PRSS23: variants seen among roughly 807,000 people sequenced by gnomAD.
The protein encoded by PRSS23 is protease, serine 23.
In PRSS23, 25 loss-of-function variants were observed where a neutral mutation model predicts 34.7. The ratio of observed to expected loss-of-function variants is 0.72; its 90% confidence interval spans 0.53 to 1.01. The LOEUF (loss-of-function observed/expected upper bound fraction) is 1.01. Among genes scored for constraint, PRSS23 ranks in the 50% least tolerant of loss-of-function variants. PRSS23 has a pLI of 0.00. For synonymous variants in PRSS23, 176 were observed against 186.6 expected (o/e 0.94, Z 0.46); for missense variants, 445 against 475.6 (o/e 0.94, Z 0.60).
At chr11:86,937,843 T>G (rs898872193) in intron 2 of PRSS23, 2 of 152,232 alleles carry the variant, frequency 1.3e-5, no homozygotes, top group African/African-American at 4.8e-5. Flanking sequence ...AATTCTTTCT[T>G]GCGTGAGATC....
At chr11:86,878,350 T>C (rs1018679503) in intron 2 of PRSS23, among the ~76,000 whole-genome samples, 17 of 150,560 alleles carry the variant, frequency 1.1e-4, no homozygotes, top group African/African-American at 4.2e-4. Context: ...CTCGGCTCAC[T>C]GCAGCCTCCC....
intron 2 of PRSS23, among the ~76,000 whole-genome samples, chr11:86,834,715 G>A (rs1284764350): frequency 6.6e-6 from 1 of 152,026 alleles, no homozygotes; most frequent in Non-Finnish European, 1.5e-5. Context: ...TCCCTCGGAA[G>A]TTAGGAATTC....
chr11:86,920,603 G>A (rs1200917274), intron 2 of PRSS23, among the ~76,000 whole-genome samples: 1 of 152,116 alleles, frequency 6.6e-6, no homozygotes, highest in Non-Finnish European at 1.5e-5. Flanking sequence ...TTTGCCAGAG[G>A]AGACTCTTCA....
At position 86,846,420 on chromosome 11, in the gene PRSS23, G is replaced by T. The variant is rs79136813; in HGVS notation, c.206+22827G>T. On this transcript the variant is annotated intron_variant, in intron 2 of 2. Transcript: ENST00000533902. ...GCTGGACTAAAGACACGGGTGTCAG[G>T]CTGTCTGGAAAAGGTTCTCTAACAA... 2.9e-4 allele frequency among the ~76,000 whole-genome samples: 44 copies of T among 152,296 alleles called. No homozygotes were observed. In the East Asian group the frequency reaches 7.5e-3, roughly 26 times the overall value.
At chr11:86,940,108 C>T (rs1949197103) in intron 2 of PRSS23, among the ~76,000 whole-genome samples, 1 of 152,088 alleles carries the variant, frequency 6.6e-6, no homozygotes, top group Non-Finnish European at 1.5e-5. Context: ...CCCCTTAGCA[C>T]TACATAAACA....
At chr11:86,852,224 C>G (rs1000673849) in intron 2 of PRSS23, among the ~76,000 whole-genome samples, 1 of 152,154 alleles carries the variant, frequency 6.6e-6, no homozygotes, top group Non-Finnish European at 1.5e-5. Flanking sequence ...GAGACATGAG[C>G]CTCCTGATAG....
downstream of PRSS23, among the ~76,000 whole-genome samples, chr11:86,815,465 C>T (rs1344638409): frequency 6.6e-6 from 1 of 152,164 alleles, no homozygotes; most frequent in African/African-American, 2.4e-5. Flanking sequence ...CGAATGATCC[C>T]AGATGGTTTA....
intron 2 of PRSS23, chr11:86,951,079 A>T: frequency 6.4e-7 from 1 of 1,564,578 alleles, no homozygotes; most frequent in Non-Finnish European, 8.8e-7. Context: ...TTTTAGTAGA[A>T]TTTCCTCCAA....
intron 2 of PRSS23, among the ~76,000 whole-genome samples, chr11:86,886,001 G>A (rs529422480): frequency 3.3e-5 from 5 of 152,296 alleles, no homozygotes; most frequent in African/African-American, 1.2e-4. Context: ...GGTGATAGCA[G>A]GTAACATTTA....
chr11:86,848,846 G>A (rs1052974973), intron 2 of PRSS23, among the ~76,000 whole-genome samples: 3 of 152,208 alleles, frequency 2.0e-5, no homozygotes, highest in Admixed American at 2.0e-4. Context: ...GACCTTGGTG[G>A]CTCAGAGGGA....
rs530465504 is a variant in PRSS23 at position 86,808,716 on chromosome 11, C to G, written c.1073C>G (p.Ala358Gly). ...MNGSPQDFNV[A>G]VRITPLKYAQ... is the part of the protein sequence containing the mutation. ...GGTTCCCCACAGGATTTCAACGTGG[C>G]TGTCAGAATCACTCCTCTCAAATAT... Residue 358 changes from alanine (A) to glycine (G), a missense_variant, in exon 2 of 2, where the codon GCT becomes GGT. By Grantham distance (60) the Ala-to-Gly change is moderately conservative. Coordinates refer to ENST00000280258, the MANE Select transcript of PRSS23 (RefSeq NM_007173.6). 6.2e-7 allele frequency: 1 copy of G among 1,614,092 alleles called. No individual in the cohort carries two copies. Among genetic ancestry groups the G allele is most frequent in the South Asian group, 1.1e-5 (1 of 91,074 alleles).
chr11:86,933,665 G>A (rs912331243), intron 2 of PRSS23: 4 of 152,228 alleles, frequency 2.6e-5, no homozygotes, highest in Non-Finnish European at 4.4e-5. Flanking sequence ...CATACCCCAA[G>A]TGGGAAGAGT....
intron 2 of PRSS23, among the ~76,000 whole-genome samples, chr11:86,870,262 A>AAAC (rs5793219): frequency 0.51 from 77,298 of 150,626 alleles, 20,821 homozygotes; most frequent in African/African-American, 0.68. Context: ...GGAGGGGAAA[A>AAAC]AACAACAACA....
At chr11:86,839,708 C>G (rs1948433198) in intron 2 of PRSS23, among the ~76,000 whole-genome samples, 1 of 151,882 alleles carries the variant, frequency 6.6e-6, no homozygotes, top group East Asian at 1.9e-4. Context: ...AGAGAAAGGT[C>G]AAGCTACCCA....
At chr11:86,938,316 A>G (rs1025665196) in intron 2 of PRSS23, among the ~76,000 whole-genome samples, 2 of 152,240 alleles carry the variant, frequency 1.3e-5, no homozygotes, top group Non-Finnish European at 2.9e-5. Context: ...AAGGTGCTAC[A>G]GGCTCTGCTT....
chr11:86,930,107 G>A (rs1460767852), intron 2 of PRSS23, among the ~76,000 whole-genome samples: 1 of 151,720 alleles, frequency 6.6e-6, no homozygotes, highest in Non-Finnish European at 1.5e-5. Flanking sequence ...ATATGTTTGT[G>A]TATATGTGTA....
At chr11:86,927,845 C>T (rs1421854130) in intron 2 of PRSS23, among the ~76,000 whole-genome samples, 1 of 151,884 alleles carries the variant, frequency 6.6e-6, no homozygotes, top group Non-Finnish European at 1.5e-5. Flanking sequence ...CCCAGCTACT[C>T]AGGGGCTGAG....
intron 2 of PRSS23, among the ~76,000 whole-genome samples, chr11:86,895,486 T>A (rs896324588): frequency 1.4e-5 from 2 of 141,648 alleles, no homozygotes; most frequent in African/African-American, 5.2e-5. Flanking sequence ...CCTTTTTTTT[T>A]TTTTTTTTTT....
chr11:86,795,640 T>C (rs936645056), upstream of PRSS23, among the ~76,000 whole-genome samples: 1 of 152,178 alleles, frequency 6.6e-6, no homozygotes, highest in African/African-American at 2.4e-5. Context: ...GTGTGGTGAT[T>C]TACCCAAGGT....
Sources: allele counts gnomAD v4.1 joint callset (sites outside exome capture counted in the v4.1 genomes callset), GRCh38; gene constraint gnomAD v4.1.1; transcripts MANE v1.5; gene names NCBI Gene and HGNC (gene_info 2026-07-23, HGNC 2026-07-21).